WDR49: variants seen among roughly 807,000 people sequenced by gnomAD.
The protein encoded by WDR49 is WD repeat domain 49.
A neutral mutation model predicts 119.5 loss-of-function variants in WDR49; 107 were observed. That is an observed-to-expected ratio of 0.90 (90% CI 0.77 to 1.05). The LOEUF is 1.05. Ranked by LOEUF, WDR49 falls within the 50% of genes least tolerant of loss-of-function variation. The pLI, the probability that WDR49 is intolerant of heterozygous loss-of-function variation, is 0.00. For synonymous variants in WDR49, 425 were observed against 418.8 expected, an observed-to-expected ratio of 1.01 and a Z score of -0.18; for missense variants, 1,240 against 1,220.5, an observed-to-expected ratio of 1.02 and a Z score of -0.24.
chr3:167,539,040 C>A (rs1174779904), intron 10 of WDR49, among the ~76,000 whole-genome samples: 3 of 151,856 alleles, frequency 2.0e-5, no homozygotes, highest in African/African-American at 7.3e-5. Context: ...TATGAATATC[C>A]AATTAAGTAT....
chr3:167,570,919 C>A (rs972537490), intron 8 of WDR49, among the ~76,000 whole-genome samples: 1 of 151,802 alleles, frequency 6.6e-6, no homozygotes, highest in East Asian at 1.9e-4. Flanking sequence ...ACCTGTAATC[C>A]CAGCTACTCA....
chr3:167,585,651 T>G (rs1714772764), intron 7 of WDR49, among the ~76,000 whole-genome samples: 1 of 151,956 alleles, frequency 6.6e-6, no homozygotes, highest in South Asian at 2.1e-4. Flanking sequence ...ACCATTTACA[T>G]AAAAACTAAT....
intron 5 of WDR49, among the ~76,000 whole-genome samples, chr3:167,613,838 G>A (rs959250348): frequency 1.3e-5 from 2 of 151,610 alleles, no homozygotes; most frequent in Admixed American, 6.6e-5. Flanking sequence ...CCAGGTACTC[G>A]GGAGGCTGAG....
chr3:167,619,982 G>A (rs7653745), intron 5 of WDR49, among the ~76,000 whole-genome samples: 40,987 of 151,338 alleles, frequency 0.27, 5,845 homozygotes, highest in African/African-American at 0.35. Context: ...AAAAAAAAGA[G>A]AAGAAAATTA....
chr3:167,482,505 T>TA (rs35181099), intron 18 of WDR49, among the ~76,000 whole-genome samples: 57,403 of 137,856 alleles, frequency 0.42, 11,672 homozygotes, highest in East Asian at 0.49. Context: ...CCGTCTCTAC[T>TA]AAAAAAAAAA....
At chr3:167,490,789 C>T (rs6791494) in intron 18 of WDR49, among the ~76,000 whole-genome samples, 29,946 of 151,888 alleles carry the variant, frequency 0.2, 3,443 homozygotes, top group South Asian at 0.29. Context: ...AAGCCACTGA[C>T]GGATATGCAA....
In WDR49 at chr3:167,572,405, A is replaced by G. The variant is rs187935870; in HGVS notation, c.1509+3513T>C. On this transcript the variant is annotated intron_variant, in intron 8 of 18. Transcript: ENST00000682715. ...GGGTCCCCACTGAAGTCCAAATACA[A>G]GGAAATAATAAAGTGTAGGCAACAT... Among the ~76,000 whole-genome samples the G allele has an allele frequency of 3.8e-3, 572 of 152,358 alleles. 2 individuals carry two copies. Among genetic ancestry groups the G allele is most frequent in the Non-Finnish European group, 6.4e-3 (436 of 68,036 alleles).
intron 7 of WDR49, among the ~76,000 whole-genome samples, chr3:167,583,521 C>T (rs1438441157): frequency 6.6e-6 from 1 of 151,962 alleles, no homozygotes; most frequent in Non-Finnish European, 1.5e-5. Flanking sequence ...ATACAAAGAC[C>T]CTGTCTCTAT....
At chr3:167,591,492 A>C (rs1268209373) in intron 7 of WDR49, among the ~76,000 whole-genome samples, 1 of 152,108 alleles carries the variant, frequency 6.6e-6, no homozygotes, top group East Asian at 1.9e-4. Flanking sequence ...CAATGCTGAA[A>C]AACAGGTGTT....
At chr3:167,629,044 C>T (rs1284004068) in intron 2 of WDR49, among the ~76,000 whole-genome samples, 2 of 152,006 alleles carry the variant, frequency 1.3e-5, no homozygotes, top group Admixed American at 6.6e-5. Flanking sequence ...ATTGCTTGAG[C>T]CCAGAGTTTG....
At chr3:167,653,060 G>A (rs994078774) in intron 2 of WDR49, among the ~76,000 whole-genome samples, 11 of 152,116 alleles carry the variant, frequency 7.2e-5, no homozygotes, top group African/African-American at 2.7e-4. Context: ...TCAAACTAAA[G>A]AATATTATTT....
intron 8 of WDR49, among the ~76,000 whole-genome samples, chr3:167,563,944 GA>G (rs1385767453): frequency 6.6e-6 from 1 of 152,158 alleles, no homozygotes; most frequent in Non-Finnish European, 1.5e-5. Flanking sequence ...TTCCCTAACA[GA>G]AATAAAAGAG....
intron 9 of WDR49, among the ~76,000 whole-genome samples, chr3:167,557,492 A>G (rs922228973): frequency 6.6e-6 from 1 of 152,216 alleles, no homozygotes; most frequent in Non-Finnish European, 1.5e-5. Context: ...ATAAAGAAGA[A>G]TGAGTCATCT....
intron 18 of WDR49, among the ~76,000 whole-genome samples, chr3:167,489,203 T>C (rs1751034103): frequency 6.6e-6 from 1 of 152,084 alleles, no homozygotes; most frequent in Admixed American, 6.6e-5. Context: ...GCACCCAGCA[T>C]TGTATCTGGC....
intron 17 of WDR49, among the ~76,000 whole-genome samples, chr3:167,504,779 G>A (rs1023429739): frequency 3.3e-5 from 5 of 152,150 alleles, no homozygotes; most frequent in Admixed American, 1.3e-4. Flanking sequence ...TGTTGGAGAC[G>A]GGGCCTGGTG....
chr3:167,654,098 T>C (rs1718510268), upstream of WDR49: 1 of 152,220 alleles, frequency 6.6e-6, no homozygotes, highest in Non-Finnish European at 1.5e-5. Flanking sequence ...AAATGGTTTT[T>C]TTTGAAATAA....
intron 18 of WDR49, among the ~76,000 whole-genome samples, chr3:167,484,329 G>A (rs1386847451): frequency 2.0e-5 from 3 of 152,090 alleles, no homozygotes; most frequent in Non-Finnish European, 4.4e-5. Flanking sequence ...ATAGCATTAA[G>A]AGATATACCT....
At chr3:167,648,408 G>A (rs1382699270) in intron 2 of WDR49, among the ~76,000 whole-genome samples, 1 of 152,142 alleles carries the variant, frequency 6.6e-6, no homozygotes, top group East Asian at 1.9e-4. Flanking sequence ...TAATAAAATA[G>A]CAGATTATTG....
chr3:167,491,699 T>G (rs1428753910), intron 18 of WDR49, among the ~76,000 whole-genome samples: 1 of 152,160 alleles, frequency 6.6e-6, no homozygotes, highest in East Asian at 1.9e-4. Flanking sequence ...ACAATGTGAA[T>G]GGGTTCTGGG....
Sources: allele counts gnomAD v4.1 joint callset (sites outside exome capture counted in the v4.1 genomes callset), GRCh38; gene constraint gnomAD v4.1.1; transcripts MANE v1.5; gene names NCBI Gene and HGNC (gene_info 2026-07-23, HGNC 2026-07-21).